RAB35: variants seen among roughly 807,000 people sequenced by gnomAD.
The protein encoded by RAB35 is ras-related protein Rab-35.
RAB35 carries 4 observed loss-of-function variants against 28.9 expected under a neutral mutation model. The observed-to-expected ratio is 0.14, with a 90% CI of 0.07 to 0.32. RAB35 has a LOEUF of 0.32. Ranked by LOEUF, RAB35 falls within the 10% of genes least tolerant of loss-of-function variation. The pLI, the probability that RAB35 is intolerant of heterozygous loss-of-function variation, is 1.00. For missense variants in RAB35, 128 were observed against 274.0 expected, an observed-to-expected ratio of 0.47 and a Z score of 3.76; for synonymous variants, 99 against 105.1, an observed-to-expected ratio of 0.94 and a Z score of 0.35.
At chr12:120,100,734 G>A (rs533878759) in intron 3 of RAB35, among the ~76,000 whole-genome samples, 4 of 152,336 alleles carry the variant, frequency 2.6e-5, no homozygotes, top group East Asian at 1.9e-4. Flanking sequence ...CCAGGGCAGC[G>A]TCGCTCCTTG....
Position 120,095,942 on chromosome 12 carries a change from G to GGTGTCCA in RAB35, c.*1302_*1303insTGGACAC, listed in dbSNP as rs2139044609. 6.3e-6 allele frequency: 1 copy of GGTGTCCA among 157,970 alleles called. No individual in the cohort carries two copies. The highest frequency in any genetic ancestry group is 1.9e-4 in the East Asian group (1 of 5,346). The allele number at this position is 157,970 out of a possible 1,614,324, so 9.8% of individuals were successfully genotyped here. A position where few individuals can be genotyped will look rare whatever the true frequency, so the allele number is the denominator to read the frequency against. On this transcript the variant is annotated 3_prime_UTR_variant, in exon 6 of 6. Transcript: ENST00000229340. ...GATCCCTGTAGTGGGAGGGGAATGA[G>GGTGTCCA]GTGTCCGGGCTGGGGGTCGGGGAGC...
At chr12:120,104,389 C>T (rs1445052302) in intron 2 of RAB35, among the ~76,000 whole-genome samples, 1 of 152,152 alleles carries the variant, frequency 6.6e-6, no homozygotes, top group Non-Finnish European at 1.5e-5. Flanking sequence ...AGGTCATGAG[C>T]TGCAGTCTGA....
At chr12:120,100,860 G>A (rs1055810039) in intron 3 of RAB35, among the ~76,000 whole-genome samples, 117 of 152,322 alleles carry the variant, frequency 7.7e-4, no homozygotes, top group African/African-American at 2.6e-3. Context: ...TGTGTCAGAC[G>A]CCTTCCAGAG....
chr12:120,102,560 G>A (rs1212511316), intron 3 of RAB35, among the ~76,000 whole-genome samples: 1 of 152,160 alleles, frequency 6.6e-6, no homozygotes, highest in African/African-American at 2.4e-5. Flanking sequence ...CTCAGCATAG[G>A]GTGAACCCAG....
In RAB35 at chr12:120,096,536, A is replaced by G. The variant is rs1002670896; in HGVS notation, c.*709T>C. The G allele has an allele frequency of 1.6e-6, 2 of 1,289,684 alleles. No homozygotes were observed. The highest frequency in any genetic ancestry group is 3.0e-5 in the African/African-American group (2 of 65,836). The allele number at this position is 1,289,684 out of a possible 1,614,324, so 79.9% of individuals were successfully genotyped here. The stretch of plus-strand genomic sequence containing the variant: ...GAAGCCATGGCTGCCCTGGGTTTGG[A>G]GCTCAGAGGCATCTAGAAGGCAGGA... On this transcript the variant is annotated 3_prime_UTR_variant, in exon 6 of 6. Transcript: ENST00000229340.
At chr12:120,108,128 G>A (rs946881933) in intron 2 of RAB35, among the ~76,000 whole-genome samples, 5 of 152,030 alleles carry the variant, frequency 3.3e-5, no homozygotes, top group African/African-American at 7.2e-5. Context: ...ACTGTGTCCC[G>A]GGTGGCACCA....
intron 1 of RAB35, among the ~76,000 whole-genome samples, chr12:120,114,133 G>A (rs968340109): frequency 1.2e-4 from 19 of 152,104 alleles, no homozygotes; most frequent in Admixed American, 9.2e-4. Context: ...CATTCTTGTC[G>A]CCCAGGCTGG....
intron 1 of RAB35, among the ~76,000 whole-genome samples, chr12:120,111,384 T>G (rs1876110684): frequency 1.3e-5 from 2 of 152,038 alleles, no homozygotes; most frequent in Admixed American, 6.6e-5. Flanking sequence ...GCAGAGCAGT[T>G]AAAAGCCACT....
chr12:120,106,007 G>C (rs1346629656), intron 2 of RAB35, among the ~76,000 whole-genome samples: 1 of 151,816 alleles, frequency 6.6e-6, no homozygotes, highest in Non-Finnish European at 1.5e-5. Flanking sequence ...GTGCAGGTGA[G>C]AGGGGCCACT....
chr12:120,111,831 A>C (rs1445907716), intron 1 of RAB35, among the ~76,000 whole-genome samples: 1 of 152,132 alleles, frequency 6.6e-6, no homozygotes, highest in African/African-American at 2.4e-5. Context: ...TATCCCTGGA[A>C]GAGGCTTCCT....
intron 3 of RAB35, among the ~76,000 whole-genome samples, chr12:120,101,273 G>A (rs1424301070): frequency 3.9e-5 from 6 of 152,208 alleles, no homozygotes; most frequent in Non-Finnish European, 7.3e-5. Context: ...CAGACCTCAG[G>A]ATGGCCATGT....
At position 120,103,219 on chromosome 12, in the gene RAB35, C is replaced by T. The variant is rs1252092872; in HGVS notation, c.227+607G>A. On this transcript the variant is annotated intron_variant, in intron 3 of 5. Coordinates refer to ENST00000229340, the MANE Select transcript of RAB35 (RefSeq NM_006861.7). This position sits in a 1 kb window ranked among gnomAD's most constrained non-coding sequence, Gnocchi z 6.1. ...AATAACCAGGAGCCGCTCCGAAGGA[C>T]ACTGCCCATCTGCGCAGGAGCCCAG... Among the ~76,000 whole-genome samples the T allele has an allele frequency of 6.6e-6, 1 of 152,236 alleles. No individual in the cohort carries two copies. Among genetic ancestry groups the T allele is most frequent in the Non-Finnish European group, 1.5e-5 (1 of 68,048 alleles).
intron 3 of RAB35, among the ~76,000 whole-genome samples, chr12:120,102,954 A>T (rs1875718236): frequency 6.6e-6 from 1 of 152,198 alleles, no homozygotes; most frequent in East Asian, 1.9e-4. Flanking sequence ...GCCCTCTGTC[A>T]AATGGGATGA....
chr12:120,103,858 C>G lies in RAB35; in HGVS notation c.195G>C (p.Ala65=), dbSNP rs764017696. ...EKVKLQIWDT[A]GQERFRTITS... is the part of the protein sequence containing the mutation. ...TGATGGTGCGGAAGCGCTCCTGCCCCGCTGTGTCCCAGATCTGCAGCTTCA... is the reference window on the plus strand; with the variant it reads ...TGATGGTGCGGAAGCGCTCCTGCCCGGCTGTGTCCCAGATCTGCAGCTTCA... The change falls in exon 3 of 6, where the codon GCG becomes GCC. Residue 65 remains alanine (A), a synonymous_variant. Coordinates refer to ENST00000229340, the MANE Select transcript of RAB35 (RefSeq NM_006861.7). The surrounding 1 kb of genome is among the most constrained non-coding windows in gnomAD (Gnocchi z 6.1). 1.2e-6 allele frequency: 2 copies of G among 1,614,114 alleles called. No individual in the cohort carries two copies. The highest frequency in any genetic ancestry group is 1.6e-4 in the Middle Eastern group (1 of 6,062).
rs1159670264 is a variant in RAB35, at chr12:120,096,293, T to TA, written c.*951dup. Reference sequence around the variant, plus strand: ...TGGCAGGAAGCCATTCATTTTTTTCTAAAAACAGTGGACACAAGTGGGGTG... The same window carrying TA: ...TGGCAGGAAGCCATTCATTTTTTTCTAAAAAACAGTGGACACAAGTGGGGTG... On this transcript the variant is annotated 3_prime_UTR_variant, in exon 6 of 6. Coordinates refer to ENST00000229340, the MANE Select transcript of RAB35 (RefSeq NM_006861.7). 1.3e-4 allele frequency: 83 copies of TA among 652,792 alleles called. No individual in the cohort carries two copies. The highest frequency in any genetic ancestry group is 1.7e-4 in the Non-Finnish European group (76 of 450,430). The allele number at this position is 652,792 out of a possible 1,614,324, so 40.4% of individuals were successfully genotyped here. A position where few individuals can be genotyped will look rare whatever the true frequency, so the allele number is the denominator to read the frequency against.
Position 120,110,290 on chromosome 12 carries a change from ATTT to A in RAB35, c.53-1826_53-1824del, listed in dbSNP as rs3999541. ...TCTGTTCATGGGAGAAGCCCACAGC[ATTT>A]TTTTTTTTTTTGGAGAGATAGGGCC... is the stretch of plus-strand genomic sequence containing the variant. On this transcript the variant is annotated intron_variant, in intron 1 of 5. Coordinates refer to ENST00000229340, the MANE Select transcript of RAB35 (RefSeq NM_006861.7). Among the ~76,000 whole-genome samples, 94 of 88,592 alleles carry A rather than the reference ATTT, an allele frequency of 1.1e-3. 2 individuals are homozygous for A. The East Asian group carries it at 0.037, about 34-fold the overall frequency. The allele number at this position is 88,592 out of a possible 152,430, so 58.1% of individuals were successfully genotyped here. A position where few individuals can be genotyped will look rare whatever the true frequency, so the allele number is the denominator to read the frequency against.
chr12:120,098,821 T>A lies in RAB35; in HGVS notation c.467A>T (p.Asn156Ile). Residue 156 changes from asparagine to isoleucine, a missense_variant, in exon 5 of 6, where the codon AAC becomes ATC. Coordinates refer to ENST00000229340, the MANE Select transcript of RAB35 (RefSeq NM_006861.7). ...LFETSAKENV[N>I]VEEMFNCITE... Reference sequence around the variant, plus strand: ...GGCCCAGGGCCTCACCTCTTCCACGTTGACATTCTCCTTGGCGCTGGTCTC... The same window carrying A: ...GGCCCAGGGCCTCACCTCTTCCACGATGACATTCTCCTTGGCGCTGGTCTC... 6.2e-7 allele frequency: 1 copy of A among 1,614,188 alleles called. No individual in the cohort carries two copies. Among genetic ancestry groups the A allele is most frequent in the Non-Finnish European group, 8.5e-7 (1 of 1,180,028 alleles).
At chr12:120,116,303 G>C (rs1021435299) in intron 1 of RAB35, among the ~76,000 whole-genome samples, 1 of 152,202 alleles carries the variant, frequency 6.6e-6, no homozygotes, top group Non-Finnish European at 1.5e-5. Context: ...GTAGTCCTGA[G>C]ACTCGAACCC....
rs144774043 is a variant in RAB35 at position 120,108,476 on chromosome 12, G to C, written c.53-9C>G. On this transcript the variant is annotated splice_polypyrimidine_tract_variant and intron_variant, in intron 1 of 5. Transcript: ENST00000229340. Reference sequence around the variant, plus strand: ...ACTGCTCTTGCCCACACCTGCAAGAGAGAAAGCACTGCGATGAGGGGGGCA... The same window carrying C: ...ACTGCTCTTGCCCACACCTGCAAGACAGAAAGCACTGCGATGAGGGGGGCA... The C allele has an allele frequency of 1.2e-3, 1,887 of 1,613,708 alleles. 29 individuals carry two copies. Among genetic ancestry groups the C allele is most frequent in the Middle Eastern group, 1.7e-4 (1 of 6,060 alleles).
Sources: allele counts gnomAD v4.1 joint callset (sites outside exome capture counted in the v4.1 genomes callset), GRCh38; gene constraint gnomAD v4.1.1; non-coding constraint Gnocchi (gnomAD v3.1); transcripts MANE v1.5; gene names NCBI Gene and HGNC (gene_info 2026-07-23, HGNC 2026-07-21).